Variants in SLC35F1 observed in about 807,000 individuals in gnomAD.
SLC35F1 encodes the protein solute carrier family 35 member F1.
In SLC35F1, 14 loss-of-function variants were observed where a neutral mutation model predicts 48.7. That is an observed-to-expected ratio of 0.29 (90% CI 0.19 to 0.45). The LOEUF is 0.45. SLC35F1 is among the 20% of genes least tolerant of loss of function. The probability of loss-of-function intolerance (pLI) is 1.00; values close to 1 mark genes in which losing one functional copy is unlikely to be tolerated. For missense variants in SLC35F1, 404 were observed against 500.0 expected, an observed-to-expected ratio of 0.81 and a Z score of 1.83; for synonymous variants, 190 against 202.2, an observed-to-expected ratio of 0.94 and a Z score of 0.51.
chr6:118,054,353 C>T (rs150077871), intron 1 of SLC35F1, among the ~76,000 whole-genome samples: 2 of 151,956 alleles, frequency 1.3e-5, no homozygotes, highest in Non-Finnish European at 2.9e-5. Flanking sequence ...GTCCATTGTG[C>T]GAATGGAAAT....
intron 1 of SLC35F1, among the ~76,000 whole-genome samples, chr6:118,027,211 T>G (rs572627333): frequency 6.6e-6 from 1 of 152,172 alleles, no homozygotes; most frequent in African/African-American, 2.4e-5. Flanking sequence ...ATTTGGAATG[T>G]TCCCAGCTTT....
At chr6:118,206,815 G>A (rs1774942352) in intron 2 of SLC35F1, among the ~76,000 whole-genome samples, 1 of 152,110 alleles carries the variant, frequency 6.6e-6, no homozygotes, top group Non-Finnish European at 1.5e-5. Flanking sequence ...CTGTGAGCTG[G>A]CAAGATCACA....
intron 1 of SLC35F1, among the ~76,000 whole-genome samples, chr6:118,092,076 C>T (rs59022430): frequency 0.018 from 2,734 of 152,228 alleles, 82 homozygotes; most frequent in African/African-American, 0.062. Flanking sequence ...AAGAAAAAAC[C>T]GTTTTCTGAG....
At position 118,150,500 on chromosome 6, in the gene SLC35F1, T is replaced by C. The variant is rs190683448; in HGVS notation, c.174-3945T>C. Among the ~76,000 whole-genome samples, 378 of 152,310 alleles carry C rather than the reference T, an allele frequency of 2.5e-3. 1 individual carries two copies. The highest frequency in any genetic ancestry group is 6.8e-3 in the Middle Eastern group (2 of 294). On this transcript the variant is annotated intron_variant, in intron 1 of 7. Coordinates refer to ENST00000360388, the MANE Select transcript of SLC35F1 (RefSeq NM_001029858.4). ...GGTGTGATTTTGTTCAGGAAAGGCA[T>C]AGCATATTGCCAAAGTTTTTGAACA...
intron 1 of SLC35F1, among the ~76,000 whole-genome samples, chr6:118,143,229 A>G (rs939185523): frequency 6.6e-6 from 1 of 152,198 alleles, no homozygotes; most frequent in East Asian, 1.9e-4. Context: ...TATTTATTCA[A>G]TAGATTTTAA....
At chr6:118,152,712 T>TGTGGGG (rs1309923186) in intron 1 of SLC35F1, among the ~76,000 whole-genome samples, 8 of 152,100 alleles carry the variant, frequency 5.3e-5, no homozygotes, top group Non-Finnish European at 1.2e-4. Flanking sequence ...TCCCCCACAT[T>TGTGGGG]CTGTTGGTCA....
At chr6:118,002,256 G>A (rs976519543) in intron 1 of SLC35F1, among the ~76,000 whole-genome samples, 33 of 151,604 alleles carry the variant, frequency 2.2e-4, no homozygotes, top group African/African-American at 7.3e-5. Context: ...ATACACCATG[G>A]AATACTATGC....
At chr6:118,276,194 A>C (rs1483685806) in intron 5 of SLC35F1, among the ~76,000 whole-genome samples, 1 of 152,220 alleles carries the variant, frequency 6.6e-6, no homozygotes, top group Non-Finnish European at 1.5e-5. Flanking sequence ...TAATTCTACA[A>C]CTGGAACGTA....
intron 1 of SLC35F1, among the ~76,000 whole-genome samples, chr6:118,077,018 C>A (rs1326558981): frequency 6.6e-6 from 1 of 152,146 alleles, no homozygotes; most frequent in Non-Finnish European, 1.5e-5. Context: ...TCACTGTTCC[C>A]AAATTTTATG....
intron 2 of SLC35F1, among the ~76,000 whole-genome samples, chr6:118,207,868 T>G (rs150144): frequency 0.08 from 12,179 of 152,236 alleles, 614 homozygotes; most frequent in African/African-American, 0.13. Flanking sequence ...CTTAAATATT[T>G]AATGGAATTA....
At position 118,125,741 on chromosome 6, in the gene SLC35F1, A is replaced by C. The variant is rs113711690; in HGVS notation, c.174-28704A>C. Among the ~76,000 whole-genome samples, 1,222 of 152,242 alleles carry C rather than the reference A, an allele frequency of 8.0e-3. 7 individuals carry two copies. The highest frequency in any genetic ancestry group is 0.013 in the Non-Finnish European group (886 of 68,012). On this transcript the variant is annotated intron_variant, in intron 1 of 7. Transcript: ENST00000360388. ...TGAGGAGTTTGCCAATGCACCAGAG[A>C]CGTAGCAAGCCAAGCCAGATGACAT...
At chr6:118,297,877 A>G (rs1165314247) in intron 7 of SLC35F1, among the ~76,000 whole-genome samples, 3 of 151,228 alleles carry the variant, frequency 2.0e-5, no homozygotes, top group African/African-American at 7.3e-5. Flanking sequence ...GCAATGTTGG[A>G]GGTGGGGCCT....
chr6:117,907,890 T>C lies in SLC35F1; in HGVS notation c.164T>C (p.Val55Ala), dbSNP rs970930176. Residue 55 changes from valine (V) to alanine (A), a missense_variant, in exon 1 of 8, where the codon GTG becomes GCG. Transcript: ENST00000360388. ...GGCGTGCGCCAGAGGATCCGCAAAG[T>C]GCTGAACAGGTGAGCGGCGGCGCCG... ...RAGVRQRIRK[V>A]LNREMLISVA... 2.1e-6 allele frequency: 3 copies of C among 1,442,566 alleles called. No homozygotes were observed. Among genetic ancestry groups the C allele is most frequent in the African/African-American group, 2.9e-5 (2 of 67,914 alleles). 89.4% of individuals were successfully genotyped at this position (1,442,566 alleles called of 1,614,324 possible). A position where few individuals can be genotyped will look rare whatever the true frequency, so the allele number is the denominator to read the frequency against.
chr6:118,007,171 G>A (rs1777184683), intron 1 of SLC35F1, among the ~76,000 whole-genome samples: 1 of 152,044 alleles, frequency 6.6e-6, no homozygotes, highest in African/African-American at 2.4e-5. Flanking sequence ...TGCATCTGAT[G>A]AAGGCCTTCT....
chr6:118,139,275 G>A (rs1475372652), intron 1 of SLC35F1, among the ~76,000 whole-genome samples: 1 of 151,986 alleles, frequency 6.6e-6, no homozygotes, highest in African/African-American at 2.4e-5. Flanking sequence ...ACCATGCCCG[G>A]CTAATTTTTT....
At chr6:117,916,035 T>A (rs1775821954) in intron 1 of SLC35F1, among the ~76,000 whole-genome samples, 1 of 152,196 alleles carries the variant, frequency 6.6e-6, no homozygotes. Context: ...AGGAAAGAGA[T>A]CTGCTCTCCA....
chr6:118,193,170 A>G (rs988820683), intron 2 of SLC35F1, among the ~76,000 whole-genome samples: 2 of 152,190 alleles, frequency 1.3e-5, no homozygotes, highest in Non-Finnish European at 2.9e-5. Flanking sequence ...TCACCCTTGC[A>G]TTAGTGTACT....
chr6:118,272,656 A>T (rs906773079), intron 4 of SLC35F1, among the ~76,000 whole-genome samples: 1 of 151,014 alleles, frequency 6.6e-6, no homozygotes, highest in African/African-American at 2.4e-5. Context: ...AACAGAGGAA[A>T]TATAATTTTA....
rs368503344 is a variant in SLC35F1 at position 118,156,669 on chromosome 6, A to AAAAAT, written c.349+2077_349+2081dup. Among the ~76,000 whole-genome samples, 1,201 of 140,538 alleles carry AAAAAT rather than the reference A, an allele frequency of 8.5e-3. 17 individuals carry two copies. Among genetic ancestry groups the AAAAAT allele is most frequent in the Middle Eastern group, 0.046 (13 of 280 alleles). The allele number at this position is 140,538 out of a possible 152,430, so 92.2% of individuals were successfully genotyped here. A position where few individuals can be genotyped will look rare whatever the true frequency, so the allele number is the denominator to read the frequency against. ...GTACCCTAGAACTGAAAGTATAATA[A>AAAAAT]AAAATAAAATAAAATAAAATAAAAT... On this transcript the variant is annotated intron_variant, in intron 2 of 7. Coordinates refer to ENST00000360388, the MANE Select transcript of SLC35F1 (RefSeq NM_001029858.4).
Sources: allele counts gnomAD v4.1 joint callset (sites outside exome capture counted in the v4.1 genomes callset), GRCh38; gene constraint gnomAD v4.1.1; transcripts MANE v1.5; gene names NCBI Gene and HGNC (gene_info 2026-07-23, HGNC 2026-07-21).